Variants in DDX60L observed in about 807,000 individuals in gnomAD.
The protein encoded by DDX60L is DExD/H-box 60 like.
A neutral mutation model predicts 211.6 loss-of-function variants in DDX60L; 191 were observed. That is an observed-to-expected ratio of 0.90 (90% CI 0.80 to 1.02). The LOEUF is 1.02. Among genes scored for constraint, DDX60L ranks in the 50% least tolerant of loss-of-function variants. DDX60L has a pLI of 0.00. For synonymous variants in DDX60L, 706 were observed against 694.1 expected, an observed-to-expected ratio of 1.02 and a Z score of -0.27; for missense variants, 2,007 against 1,984.1, an observed-to-expected ratio of 1.01 and a Z score of -0.22.
At chr4:168,474,090 C>T (rs1447181518) in intron 1 of DDX60L, among the ~76,000 whole-genome samples, 1 of 152,014 alleles carries the variant, frequency 6.6e-6, no homozygotes, top group Non-Finnish European at 1.5e-5. Context: ...ACTCTAGGAG[C>T]TTATCATTTA....
intron 5 of DDX60L, among the ~76,000 whole-genome samples, chr4:168,459,820 G>A (rs1757083437): frequency 2.2e-5 from 3 of 135,750 alleles, no homozygotes; most frequent in Middle Eastern, 3.6e-3. Flanking sequence ...AGGAAGGAGG[G>A]AAGGGAGGGA....
rs1758258098 is a variant in DDX60L at position 168,468,089 on chromosome 4, C to A, written c.264+3658G>T. ...GGCTGAGATAGAAGAATTGCTTGCA[C>A]CTGGGAGGCAAAGGTTGCAGTGAGC... On this transcript the variant is annotated intron_variant, in intron 4 of 37. Coordinates refer to ENST00000682922, the MANE Select transcript of DDX60L (RefSeq NM_001012967.3). Among the ~76,000 whole-genome samples the A allele has an allele frequency of 3.9e-5, 6 of 152,198 alleles. No homozygotes were observed. In the South Asian group the frequency reaches 1.2e-3, roughly 32 times the overall value.
At position 168,400,824 on chromosome 4, in the gene DDX60L, A is replaced by T; in HGVS notation, c.3491+2T>A. 6.2e-7 allele frequency: 1 copy of T among 1,607,914 alleles called. No individual in the cohort carries two copies. On this transcript the variant is annotated splice_donor_variant, in intron 26 of 37. Transcript: ENST00000682922. LOFTEE classifies it high-confidence loss of function. ...TTTGTTTAAGTAAACATTAATACTT[A>T]CATCCTTTTCTGTGTCTTCCTCACT...
intron 10 of DDX60L, among the ~76,000 whole-genome samples, chr4:168,436,866 C>T (rs2319851): frequency 0.31 from 46,683 of 151,978 alleles, 7,568 homozygotes; most frequent in African/African-American, 0.41. Flanking sequence ...CCATTTTGAG[C>T]TCCTTGTACC....
intron 1 of DDX60L, among the ~76,000 whole-genome samples, chr4:168,475,651 A>AT (rs67860254): frequency 2.0e-3 from 109 of 54,148 alleles, no homozygotes; most frequent in Middle Eastern, 0.016. Context: ...TATCATTTAT[A>AT]AAAAAAAAAA....
chr4:168,358,387 A>T, intron 37 of DDX60L, 111 bp from the exon 38 acceptor site: 1 of 766,028 alleles, frequency 1.3e-6, no homozygotes. Flanking sequence ...TCAGATGTAA[A>T]TATGGAGAAA....
In DDX60L at chr4:168,420,363, C is replaced by T; in HGVS notation, c.2412G>A (p.Val804=). Residue 804 remains valine (V), a synonymous_variant, in exon 18 of 38, where the codon GTG becomes GTA. Coordinates refer to ENST00000682922, the MANE Select transcript of DDX60L (RefSeq NM_001012967.3). ...VAPAKSLVGQ[V]AATVENRFTK... is the part of the protein sequence containing the mutation. The stretch of plus-strand genomic sequence containing the variant: ...TAAAACGATTCTCAACAGTTGCAGC[C>T]ACTTGACCAACAAGGGACTGATTGA... 1 of 1,610,398 alleles carries T rather than the reference C, an allele frequency of 6.2e-7. No homozygotes were observed. The highest frequency in any genetic ancestry group is 1.7e-4 in the Middle Eastern group (1 of 6,054).
At chr4:168,456,014 T>C in intron 7 of DDX60L, 25 bp downstream of exon 7, 2 of 1,496,384 alleles carry the variant, frequency 1.3e-6, no homozygotes, top group South Asian at 1.2e-5. Flanking sequence ...GCTTTCTGCC[T>C]GGCGGCTGTG....
At chr4:168,442,009 C>T (rs950374994) in intron 9 of DDX60L, among the ~76,000 whole-genome samples, 2 of 151,980 alleles carry the variant, frequency 1.3e-5, no homozygotes, top group Admixed American at 6.6e-5. Context: ...GCCAAGATGG[C>T]CGAATAGGAA....
chr4:168,449,311 TG>T (rs1441146446), intron 8 of DDX60L, among the ~76,000 whole-genome samples: 1 of 151,306 alleles, frequency 6.6e-6, no homozygotes, highest in Non-Finnish European at 1.5e-5. Flanking sequence ...TCATGTCCTT[TG>T]TAGGGACATG....
chr4:168,458,254 A>T (rs1756858226), intron 5 of DDX60L, among the ~76,000 whole-genome samples: 1 of 152,174 alleles, frequency 6.6e-6, no homozygotes, highest in Admixed American at 6.5e-5. Flanking sequence ...GCAATTCCTC[A>T]AAGACTTAGA....
At position 168,394,419 on chromosome 4, in the gene DDX60L, A is replaced by C; in HGVS notation, c.3810+46T>G. ...TTACCTTTTAGTGGTATTCAGCATC[A>C]TAATATGCACAACTTTATTTTTTAA... On this transcript the variant is annotated intron_variant, in intron 28 of 37. Transcript: ENST00000682922. 2.3e-6 allele frequency: 3 copies of C among 1,325,206 alleles called. No homozygotes were observed. The South Asian group carries it at 4.2e-5, about 18-fold the overall frequency. 82.1% of individuals were successfully genotyped at this position (1,325,206 alleles called of 1,614,324 possible).
At chr4:168,397,740 C>A (rs190923080) in intron 26 of DDX60L, among the ~76,000 whole-genome samples, 1 of 152,186 alleles carries the variant, frequency 6.6e-6, no homozygotes, top group Non-Finnish European at 1.5e-5. Context: ...TAATCTGGAG[C>A]GGCCGCTGCC....
At chr4:168,405,875 A>G in intron 24 of DDX60L, 75 bp downstream of exon 24, 1 of 1,419,264 alleles carries the variant, frequency 7.0e-7, no homozygotes, top group Non-Finnish European at 9.3e-7. Flanking sequence ...CAAAACATTT[A>G]TTGGCTAAAT....
chr4:168,426,931 AT>A, intron 14 of DDX60L, 138 bp downstream of exon 14: 1 of 1,006,044 alleles, frequency 9.9e-7, no homozygotes, highest in Non-Finnish European at 1.4e-6. Context: ...AATAATAACT[AT>A]CTTAAAGGGT....
intron 36 of DDX60L, among the ~76,000 whole-genome samples, chr4:168,370,466 T>G (rs1740805977): frequency 6.6e-6 from 1 of 152,152 alleles, no homozygotes; most frequent in South Asian, 2.1e-4. Flanking sequence ...TTGATCAACA[T>G]GTACAAAATT....
chr4:168,433,009 C>G lies in DDX60L; in HGVS notation c.1400+1G>C. Reference sequence around the variant, plus strand: ...AATCAGGTACTTCATTAACTCTGTACCTCTTTAGAATAGGCAAATCCTTCA... The same window carrying G: ...AATCAGGTACTTCATTAACTCTGTAGCTCTTTAGAATAGGCAAATCCTTCA... On this transcript the variant is annotated splice_donor_variant, in intron 11 of 37. Coordinates refer to ENST00000682922, the MANE Select transcript of DDX60L (RefSeq NM_001012967.3). LOFTEE classifies it high-confidence loss of function. 1 of 1,595,820 alleles carries G rather than the reference C, an allele frequency of 6.3e-7. No homozygotes were observed. Among genetic ancestry groups the G allele is most frequent in the African/African-American group, 1.3e-5 (1 of 74,584 alleles).
chr4:168,446,012 G>T (rs1208372117), intron 9 of DDX60L, among the ~76,000 whole-genome samples: 1 of 147,310 alleles, frequency 6.8e-6, no homozygotes, highest in Admixed American at 6.9e-5. Flanking sequence ...TCAACATAGT[G>T]TTGGAAGTTC....
intron 10 of DDX60L, among the ~76,000 whole-genome samples, chr4:168,435,861 T>C (rs1752966035): frequency 6.6e-6 from 1 of 152,194 alleles, no homozygotes; most frequent in African/African-American, 2.4e-5. Flanking sequence ...AGGACATTTG[T>C]ATGTCAAAGA....
Sources: allele counts gnomAD v4.1 joint callset (sites outside exome capture counted in the v4.1 genomes callset), GRCh38; gene constraint gnomAD v4.1.1; transcripts MANE v1.5; gene names NCBI Gene and HGNC (gene_info 2026-07-23, HGNC 2026-07-21).